Variants in SPINK13 observed in about 807,000 individuals in gnomAD.
SPINK13 encodes serine protease inhibitor Kazal-type 13.
In SPINK13, 11 loss-of-function variants were observed where a neutral mutation model predicts 11.0. The observed-to-expected ratio is 1.00, with a 90% CI of 0.63 to 1.65. The LOEUF is 1.65. SPINK13 is among the 40% of genes most tolerant of loss of function. The pLI is 0.00. For synonymous variants in SPINK13, 31 were observed against 35.6 expected (o/e 0.87, Z 0.46); for missense variants, 113 against 117.7 (o/e 0.96, Z 0.19).
At chr5:148,284,426 G>GT (rs1756562302) in intron 4 of SPINK13, among the ~76,000 whole-genome samples, 2 of 152,062 alleles carry the variant, frequency 1.3e-5, no homozygotes, top group Non-Finnish European at 2.9e-5. Context: ...TAAATGAAGA[G>GT]CCCTGCTGGT....
intron 3 of SPINK13, 84 bp downstream of exon 3, chr5:148,274,468 T>C: frequency 8.9e-7 from 1 of 1,125,686 alleles, no homozygotes; most frequent in Non-Finnish European, 1.3e-6. Context: ...TCATGGAAAG[T>C]CAGGCACAGT....
intron 4 of SPINK13, among the ~76,000 whole-genome samples, chr5:148,285,760 G>A (rs1756580083): frequency 6.6e-6 from 1 of 151,738 alleles, no homozygotes; most frequent in Non-Finnish European, 1.5e-5. Context: ...ATGGGTTAGG[G>A]GATGAAAAAC....
At chr5:148,281,451 C>A (rs549068052) in intron 3 of SPINK13, among the ~76,000 whole-genome samples, 1 of 152,156 alleles carries the variant, frequency 6.6e-6, no homozygotes. Flanking sequence ...CTGCAGGTTG[C>A]GAAGACTGTG....
intron 4 of SPINK13, among the ~76,000 whole-genome samples, chr5:148,284,299 C>A (rs1410875926): frequency 6.7e-6 from 1 of 148,666 alleles, no homozygotes; most frequent in Non-Finnish European, 1.5e-5. Flanking sequence ...GTAGTAATTC[C>A]TTCCTTCCTT....
intron 3 of SPINK13, among the ~76,000 whole-genome samples, chr5:148,275,971 C>T (rs1756422272): frequency 6.6e-6 from 1 of 152,032 alleles, no homozygotes; most frequent in African/African-American, 2.4e-5. Flanking sequence ...TGTTTCCTGC[C>T]TTTTTAATGA....
rs1324269649 is a variant in SPINK13, at chr5:148,286,117, T to C, written c.*69T>C. ...ATTCAGAATAGTATTTCTTTTAGAG[T>C]GTGAGAATGTAAATTAAATAACATC... On this transcript the variant is annotated 3_prime_UTR_variant, in exon 5 of 5. Coordinates refer to ENST00000398450, the MANE Select transcript of SPINK13 (RefSeq NM_001040129.3). 9 of 1,039,092 alleles carry C rather than the reference T, an allele frequency of 8.7e-6. No homozygotes were observed. Among genetic ancestry groups the C allele is most frequent in the African/African-American group, 3.4e-5 (2 of 58,710 alleles). 64.4% of individuals were successfully genotyped at this position (1,039,092 alleles called of 1,614,324 possible). A position where few individuals can be genotyped will look rare whatever the true frequency, so the allele number is the denominator to read the frequency against.
chr5:148,274,113 T>G (rs1352600365), intron 2 of SPINK13, among the ~76,000 whole-genome samples: 2 of 152,210 alleles, frequency 1.3e-5, no homozygotes. Flanking sequence ...CAGTTTTTAC[T>G]CTTTCCTCAC....
At chr5:148,279,442 C>T (rs1756481078) in intron 3 of SPINK13, among the ~76,000 whole-genome samples, 1 of 152,250 alleles carries the variant, frequency 6.6e-6, no homozygotes. Flanking sequence ...ATGTTTAGTG[C>T]TTCCCTCAGG....
chr5:148,285,385 A>G (rs1449742780), intron 4 of SPINK13, among the ~76,000 whole-genome samples: 1 of 151,362 alleles, frequency 6.6e-6, no homozygotes, highest in Non-Finnish European at 1.5e-5. Flanking sequence ...AATGGAACAC[A>G]AAAAAGAAAA....
chr5:148,272,988 C>A (rs551736332), intron 2 of SPINK13, among the ~76,000 whole-genome samples: 2 of 152,236 alleles, frequency 1.3e-5, no homozygotes, highest in African/African-American at 4.8e-5. Context: ...CCACCAGGAA[C>A]CTCTTTCTCA....
At chr5:148,272,364 A>T (rs1225104197) in intron 2 of SPINK13, among the ~76,000 whole-genome samples, 4 of 152,160 alleles carry the variant, frequency 2.6e-5, no homozygotes, top group South Asian at 2.1e-4. Context: ...ATTAAAATTT[A>T]AAAAATATTA....
At chr5:148,275,631 T>A (rs563828556) in intron 3 of SPINK13, among the ~76,000 whole-genome samples, 58 of 151,832 alleles carry the variant, frequency 3.8e-4, no homozygotes, top group Non-Finnish European at 7.7e-4. Context: ...TTTCTCCACA[T>A]CCTCTCCAGC....
At chr5:148,282,375 C>A in intron 4 of SPINK13, 144 bp downstream of exon 4, 3 of 980,684 alleles carry the variant, frequency 3.1e-6, no homozygotes, top group Non-Finnish European at 4.3e-6. Flanking sequence ...TGGGGACAGA[C>A]TACAGAGAGA....
intron 3 of SPINK13, among the ~76,000 whole-genome samples, chr5:148,275,984 G>A (rs372811112): frequency 1.1e-4 from 16 of 152,090 alleles, no homozygotes; most frequent in East Asian, 3.9e-4. Context: ...TTTAATGATC[G>A]CCATTCTAAC....
chr5:148,271,000 G>GT (rs1045998994), intron 2 of SPINK13: 3 of 152,200 alleles, frequency 2.0e-5, no homozygotes, highest in African/African-American at 7.2e-5. Context: ...CTCCAGAATT[G>GT]TAAGATAATA....
At chr5:148,285,742 A>C (rs1181373672) in intron 4 of SPINK13, among the ~76,000 whole-genome samples, 1 of 152,118 alleles carries the variant, frequency 6.6e-6, no homozygotes, top group Non-Finnish European at 1.5e-5. Context: ...AAAGGTATTG[A>C]GATGGGAATG....
chr5:148,271,774 G>T lies in SPINK13; in HGVS notation c.70+1632G>T, dbSNP rs146668006. ...CGAGTAGCTGGCACTACAGGCGCCC[G>T]CCACCACGCCTGGCTAATTTTTTGT... On this transcript the variant is annotated intron_variant, in intron 2 of 4. Transcript: ENST00000398450. 7.1e-3 allele frequency among the ~76,000 whole-genome samples: 1,073 copies of T among 152,080 alleles called. 62 individuals carry two copies. The East Asian group carries it at 0.14, about 20-fold the overall frequency.
At chr5:148,270,482 A>C (rs1561749210) in intron 2 of SPINK13, among the ~76,000 whole-genome samples, 1 of 152,192 alleles carries the variant, frequency 6.6e-6, no homozygotes, top group Non-Finnish European at 1.5e-5. Flanking sequence ...ATGATAAATG[A>C]TATGATAAAT....
rs1756586170 is a variant in SPINK13, at chr5:148,286,064, C to T, written c.*16C>T. On this transcript the variant is annotated 3_prime_UTR_variant, in exon 5 of 5. Transcript: ENST00000398450. ...ATGTGATTAATGGGTACCAGAGTAACTACACTTGCTTATTCTTTTTCTACT... is the reference window on the plus strand; with the variant it reads ...ATGTGATTAATGGGTACCAGAGTAATTACACTTGCTTATTCTTTTTCTACT... 7.2e-7 allele frequency: 1 copy of T among 1,398,470 alleles called. No homozygotes were observed. Among genetic ancestry groups the T allele is most frequent in the Non-Finnish European group, 9.7e-7 (1 of 1,025,688 alleles). 86.6% of individuals were successfully genotyped at this position (1,398,470 alleles called of 1,614,324 possible). A position where few individuals can be genotyped will look rare whatever the true frequency, so the allele number is the denominator to read the frequency against.
Sources: gnomAD v4.1 joint callset for allele counts (sites outside exome capture counted in the v4.1 genomes callset) on GRCh38, gnomAD v4.1.1 for gene constraint, MANE v1.5 for transcripts, NCBI Gene and HGNC (gene_info 2026-07-23, HGNC 2026-07-21) for gene names.